PEBP4: variants seen among roughly 807,000 people sequenced by gnomAD.
The protein encoded by PEBP4 is phosphatidylethanolamine-binding protein 4.
PEBP4 carries 22 observed loss-of-function variants against 23.9 expected under a neutral mutation model. That is an observed-to-expected ratio of 0.92 (90% CI 0.66 to 1.31). PEBP4 has a LOEUF of 1.31. Among genes scored for constraint, PEBP4 ranks in the 40% most tolerant of loss-of-function variants. PEBP4 has a pLI of 0.00. For missense variants in PEBP4, 324 were observed against 281.7 expected, an observed-to-expected ratio of 1.15 and a Z score of -1.07; for synonymous variants, 112 against 99.3, an observed-to-expected ratio of 1.13 and a Z score of -0.76.
At chr8:22,728,494 A>G (rs1804661647) in intron 4 of PEBP4, among the ~76,000 whole-genome samples, 1 of 151,540 alleles carries the variant, frequency 6.6e-6, no homozygotes, top group Non-Finnish European at 1.5e-5. Context: ...GGTGAGATAG[A>G]TCTTTCCTTC....
chr8:22,821,036 T>C (rs1006093802), intron 3 of PEBP4, among the ~76,000 whole-genome samples: 1 of 151,774 alleles, frequency 6.6e-6, no homozygotes, highest in Non-Finnish European at 1.5e-5. Flanking sequence ...CTACAAAAAA[T>C]ACAAAAGCTA....
At chr8:22,814,262 T>C (rs1360992556) in intron 4 of PEBP4, among the ~76,000 whole-genome samples, 1 of 152,248 alleles carries the variant, frequency 6.6e-6, no homozygotes, top group Non-Finnish European at 1.5e-5. Context: ...CACAGCAGTC[T>C]GGCTCTGGAG....
At chr8:22,883,193 G>C (rs1000486340) in intron 3 of PEBP4, among the ~76,000 whole-genome samples, 1 of 152,232 alleles carries the variant, frequency 6.6e-6, no homozygotes, top group Non-Finnish European at 1.5e-5. Flanking sequence ...AAGGTTCAGA[G>C]ATTCGGACCT....
intron 3 of PEBP4, among the ~76,000 whole-genome samples, chr8:22,840,625 A>G (rs1326627856): frequency 6.6e-6 from 1 of 152,156 alleles, no homozygotes; most frequent in Non-Finnish European, 1.5e-5. Context: ...TACCTTAGGA[A>G]CACCCACATG....
At chr8:22,918,080 C>A (rs756386880) in intron 3 of PEBP4, among the ~76,000 whole-genome samples, 1 of 152,142 alleles carries the variant, frequency 6.6e-6, no homozygotes, top group African/African-American at 2.4e-5. Context: ...TGTCACATGC[C>A]ATTAATAGTC....
chr8:22,899,312 G>A (rs1808662829), intron 3 of PEBP4, among the ~76,000 whole-genome samples: 1 of 152,232 alleles, frequency 6.6e-6, no homozygotes, highest in Non-Finnish European at 1.5e-5. Flanking sequence ...AGGTTCTGCA[G>A]GCAAGTGCCA....
At chr8:22,835,090 G>A (rs1389092413) in intron 3 of PEBP4, among the ~76,000 whole-genome samples, 2 of 152,292 alleles carry the variant, frequency 1.3e-5, no homozygotes, top group African/African-American at 4.8e-5. Context: ...TCGAGTAAAC[G>A]AGTAAATGCT....
intron 3 of PEBP4, among the ~76,000 whole-genome samples, chr8:22,827,795 T>G (rs1290947045): frequency 1.3e-5 from 2 of 152,242 alleles, no homozygotes; most frequent in Non-Finnish European, 2.9e-5. Context: ...TTTAACATTT[T>G]AAGAAACTAC....
At chr8:22,939,446 C>G (rs868676969) in intron 1 of PEBP4, among the ~76,000 whole-genome samples, 3 of 151,808 alleles carry the variant, frequency 2.0e-5, no homozygotes, top group African/African-American at 7.3e-5. Context: ...AATATTTTAC[C>G]TTTATTATTC....
At chr8:22,890,806 T>A (rs1808477750) in intron 3 of PEBP4, among the ~76,000 whole-genome samples, 1 of 152,222 alleles carries the variant, frequency 6.6e-6, no homozygotes, top group Admixed American at 6.5e-5. Context: ...GGGAATAAAG[T>A]TCTTTCCTCA....
At chr8:22,836,554 C>A (rs1436604826) in intron 3 of PEBP4, among the ~76,000 whole-genome samples, 3 of 152,216 alleles carry the variant, frequency 2.0e-5, no homozygotes, top group Non-Finnish European at 4.4e-5. Flanking sequence ...GAAGACAGTC[C>A]CTCTAGAGCA....
At chr8:22,751,951 C>T (rs1318125096) in intron 4 of PEBP4, among the ~76,000 whole-genome samples, 1 of 152,198 alleles carries the variant, frequency 6.6e-6, no homozygotes, top group Admixed American at 6.5e-5. Flanking sequence ...GGCTGGAATG[C>T]AGTGGTTTGA....
intron 3 of PEBP4, among the ~76,000 whole-genome samples, chr8:22,819,382 G>A (rs2128762182): frequency 6.6e-6 from 1 of 152,324 alleles, no homozygotes; most frequent in East Asian, 1.9e-4. Context: ...TGACAACTTG[G>A]ATATCACTGT....
At chr8:22,919,567 A>T (rs1222430534) in intron 3 of PEBP4, among the ~76,000 whole-genome samples, 1 of 152,156 alleles carries the variant, frequency 6.6e-6, no homozygotes, top group African/African-American at 2.4e-5. Context: ...CAGACCCCTA[A>T]ATGTAATAGC....
chr8:22,862,825 G>T (rs1041478355), intron 3 of PEBP4, among the ~76,000 whole-genome samples: 2 of 145,950 alleles, frequency 1.4e-5, no homozygotes, highest in African/African-American at 5.1e-5. Context: ...TTTTGAGACG[G>T]AGTGTCGCTC....
intron 4 of PEBP4, among the ~76,000 whole-genome samples, chr8:22,799,856 A>G (rs1165183248): frequency 6.6e-6 from 1 of 152,220 alleles, no homozygotes; most frequent in Non-Finnish European, 1.5e-5. Context: ...ATTACTGGGT[A>G]TATACTGAAA....
At chr8:22,867,296 G>T in intron 3 of PEBP4, among the ~76,000 whole-genome samples, 1 of 152,162 alleles carries the variant, frequency 6.6e-6, no homozygotes, top group Non-Finnish European at 1.5e-5. Context: ...AAAGTGCTGG[G>T]TGGAGATCAT....
At chr8:22,886,596 C>T (rs962944053) in intron 3 of PEBP4, 7 of 152,300 alleles carry the variant, frequency 4.6e-5, no homozygotes, top group African/African-American at 1.7e-4. Flanking sequence ...ATGCAGGACC[C>T]TGCCATTTGC....
intron 6 of PEBP4, among the ~76,000 whole-genome samples, chr8:22,717,889 G>A (rs923737718): frequency 2.6e-5 from 4 of 152,064 alleles, no homozygotes; most frequent in Admixed American, 2.6e-4. Flanking sequence ...GGCTCGTCAC[G>A]GGACCGGCCA....
Sources: allele counts gnomAD v4.1 joint callset (sites outside exome capture counted in the v4.1 genomes callset), GRCh38; gene constraint gnomAD v4.1.1; transcripts MANE v1.5; gene names NCBI Gene and HGNC (gene_info 2026-07-23, HGNC 2026-07-21).